Variants in AKR1E2 observed in about 807,000 individuals in gnomAD.
AKR1E2 encodes the protein 1,5-anhydro-D-fructose reductase.
Under a neutral mutation model 41.9 loss-of-function variants are expected in AKR1E2, and 43 were observed. The ratio of observed to expected loss-of-function variants is 1.03; its 90% CI spans 0.80 to 1.32. AKR1E2 has a LOEUF of 1.32. Ranked by LOEUF, AKR1E2 falls within the 40% of genes most tolerant of loss-of-function variation. The pLI, the probability that AKR1E2 is intolerant of heterozygous loss-of-function variation, is 0.00. For missense variants in AKR1E2, 423 were observed against 396.5 expected, an observed-to-expected ratio of 1.07 and a Z score of -0.57; for synonymous variants, 121 against 138.9, an observed-to-expected ratio of 0.87 and a Z score of 0.91.
chr10:4,857,862 TATC>T, the AKR1E2 span, among the ~76,000 whole-genome samples: 3 of 152,112 alleles, frequency 2.0e-5, no homozygotes, highest in Admixed American at 2.0e-4. Context: ...AGTTGAGTCT[TATC>T]ATTTTTTAAT....
At chr10:4,824,975 G>C (rs1266361210), upstream of AKR1E2, 1 of 452,284 alleles carries the variant, frequency 2.2e-6, no homozygotes, top group African/African-American at 2.0e-5. Flanking sequence ...GTGAGCTCCT[G>C]AGGGCAAGGC....
In AKR1E2 at chr10:4,839,737, C is replaced by A. The variant is rs375109761; in HGVS notation, c.591C>A (p.Cys197Ter). ...CTATGATTCTGTTATAGATTGAGTGCCACCCATATCTTACTCAGAAGAATC... is the reference window on the plus strand; with the variant it reads ...CTATGATTCTGTTATAGATTGAGTGACACCCATATCTTACTCAGAAGAATC... ...RFKPLTNQIE[C>*]HPYLTQKNLI... is the part of the protein sequence containing the mutation. The change falls in exon 6 of 10, where the codon TGC becomes TGA. Residue 197 changes from cysteine to a stop codon, truncating the protein, a stop_gained. Transcript: ENST00000298375. LOFTEE classifies it high-confidence loss of function. 6.2e-7 allele frequency: 1 copy of A among 1,613,562 alleles called. No individual in the cohort carries two copies. The highest frequency in any genetic ancestry group is 8.5e-7 in the Non-Finnish European group (1 of 1,179,516).
At chr10:4,851,079 G>A (rs911982557), downstream of AKR1E2, among the ~76,000 whole-genome samples, 4 of 152,204 alleles carry the variant, frequency 2.6e-5, no homozygotes, top group Admixed American at 2.0e-4. Flanking sequence ...AGTTGAAATG[G>A]GAGAGGCACG....
upstream of AKR1E2, chr10:4,826,120 C>G: frequency 2.4e-6 from 1 of 409,964 alleles, no homozygotes; most frequent in Non-Finnish European, 4.2e-6. Flanking sequence ...CTTAATACAA[C>G]CAGCCAGTCA....
chr10:4,840,908 T>C (rs1046805534), intron 6 of AKR1E2, among the ~76,000 whole-genome samples: 1 of 152,186 alleles, frequency 6.6e-6, no homozygotes, highest in Admixed American at 6.5e-5. Context: ...AGGTATCTTA[T>C]TTATTCTTCT....
chr10:4,866,760 G>T, the AKR1E2 span, among the ~76,000 whole-genome samples: 10 of 151,656 alleles, frequency 6.6e-5, no homozygotes, highest in African/African-American at 1.7e-4. Context: ...CTTGGCGGGT[G>T]GGGGGAAGCC....
intron 6 of AKR1E2, 69 bp from the exon 7 acceptor site, chr10:4,841,716 C>A: frequency 8.3e-7 from 1 of 1,203,120 alleles, no homozygotes; most frequent in Non-Finnish European, 1.1e-6. Flanking sequence ...ACAAAGATTT[C>A]TTCTTTCTAA....
chr10:4,861,275 T>TA, the AKR1E2 span, among the ~76,000 whole-genome samples: 260 of 152,274 alleles, frequency 1.7e-3, no homozygotes, highest in African/African-American at 5.9e-3. Flanking sequence ...GTTATTTAAT[T>TA]AAAAAAACTC....
chr10:4,845,815 A>C, intron 8 of AKR1E2: 1 of 471,140 alleles, frequency 2.1e-6, no homozygotes, highest in South Asian at 1.5e-5. Context: ...ATCCTCAGGC[A>C]GTGAGACAGG....
chr10:4,855,235 C>T, the AKR1E2 span, among the ~76,000 whole-genome samples: 22 of 152,288 alleles, frequency 1.4e-4, no homozygotes, highest in South Asian at 6.2e-4. Flanking sequence ...TTTATCTTCT[C>T]TTCTTTGTAA....
the AKR1E2 span, among the ~76,000 whole-genome samples, chr10:4,864,511 A>T: frequency 4.9e-3 from 742 of 152,182 alleles, 9 homozygotes; most frequent in African/African-American, 0.017. Flanking sequence ...ATCGTACTGA[A>T]TGGGCAAAAA....
At chr10:4,855,386 A>G in the AKR1E2 span, among the ~76,000 whole-genome samples, 1 of 152,180 alleles carries the variant, frequency 6.6e-6, no homozygotes, top group African/African-American at 2.4e-5. Flanking sequence ...ACAGCTATAC[A>G]CCTGCTGTTC....
At chr10:4,852,051 G>A (rs1026848154), downstream of AKR1E2, among the ~76,000 whole-genome samples, 1 of 152,094 alleles carries the variant, frequency 6.6e-6, no homozygotes. Context: ...CAGTATTGAC[G>A]AGTATTTGGA....
At chr10:4,858,716 T>C in the AKR1E2 span, among the ~76,000 whole-genome samples, 1 of 152,258 alleles carries the variant, frequency 6.6e-6, no homozygotes, top group Admixed American at 6.5e-5. Context: ...GAGTAGCAAT[T>C]CGTCGGCACA....
At chr10:4,865,494 G>A in the AKR1E2 span, among the ~76,000 whole-genome samples, 1 of 152,042 alleles carries the variant, frequency 6.6e-6, no homozygotes, top group African/African-American at 2.4e-5. Flanking sequence ...AAATGAACAG[G>A]TAATTTTCAG....
the AKR1E2 span, among the ~76,000 whole-genome samples, chr10:4,871,742 G>A: frequency 9.2e-5 from 14 of 152,278 alleles, no homozygotes; most frequent in South Asian, 4.1e-4. Flanking sequence ...ACTAGGTTTA[G>A]ATACTTTTAT....
intron 8 of AKR1E2, among the ~76,000 whole-genome samples, chr10:4,846,466 C>T (rs1223111707): frequency 3.3e-5 from 5 of 151,990 alleles, no homozygotes; most frequent in Non-Finnish European, 5.9e-5. Context: ...CAAGTGGGTC[C>T]CTAGTTGGCA....
chr10:4,839,880 A>C, intron 6 of AKR1E2, 54 bp downstream of exon 6: 1 of 1,487,862 alleles, frequency 6.7e-7, no homozygotes, highest in East Asian at 2.3e-5. Flanking sequence ...AGTAGATGCC[A>C]CCTTCTCATT....
rs189970265 is a variant in AKR1E2 at position 4,839,861 on chromosome 10, C to T, written c.680+35C>T. On this transcript the variant is annotated intron_variant, in intron 6 of 9. Transcript: ENST00000298375. ...CCTCAGTGGTGTGTTAGTCAGAGTCCGACTGGGAAGTAGATGCCACCTTCT... is the reference window on the plus strand; with the variant it reads ...CCTCAGTGGTGTGTTAGTCAGAGTCTGACTGGGAAGTAGATGCCACCTTCT... The T allele has an allele frequency of 2.1e-3, 3,330 of 1,576,420 alleles. 7 individuals are homozygous for T. The highest frequency in any genetic ancestry group is 2.7e-3 in the Non-Finnish European group (3,042 of 1,146,192).
Sources: allele counts gnomAD v4.1 joint callset (sites outside exome capture counted in the v4.1 genomes callset), GRCh38; gene constraint gnomAD v4.1.1; transcripts MANE v1.5; gene names NCBI Gene and HGNC (gene_info 2026-07-23, HGNC 2026-07-21).